CPEB3: variants seen among roughly 807,000 people sequenced by gnomAD.
CPEB3 encodes the protein cytoplasmic polyadenylation element-binding protein 3.
Under a neutral mutation model 67.2 loss-of-function variants are expected in CPEB3, and 20 were observed. That is an observed-to-expected ratio of 0.30 (90% CI 0.21 to 0.43). The LOEUF (loss-of-function observed/expected upper bound fraction) is 0.43, where lower values mean the gene tolerates loss of function less well. Among genes scored for constraint, CPEB3 ranks in the 20% least tolerant of loss-of-function variants. CPEB3 has a pLI of 1.00. For missense variants in CPEB3, 746 were observed against 968.6 expected, an observed-to-expected ratio of 0.77 and a Z score of 3.05; for synonymous variants, 376 against 393.1, an observed-to-expected ratio of 0.96 and a Z score of 0.51.
intron 4 of CPEB3, among the ~76,000 whole-genome samples, chr10:92,160,999 C>T (rs1847446860): frequency 6.6e-6 from 1 of 152,118 alleles, no homozygotes; most frequent in South Asian, 2.1e-4. Context: ...AAGCGATTCT[C>T]CCACCTCAGC....
intron 6 of CPEB3, among the ~76,000 whole-genome samples, chr10:92,130,807 T>C (rs750646653): frequency 1.3e-5 from 2 of 152,188 alleles, no homozygotes; most frequent in African/African-American, 4.8e-5. Context: ...TATTTCACTA[T>C]GTATACACTA....
chr10:92,124,448 A>G (rs993058062), intron 6 of CPEB3, among the ~76,000 whole-genome samples: 1 of 152,230 alleles, frequency 6.6e-6, no homozygotes, highest in African/African-American at 2.4e-5. Flanking sequence ...AAACAGAACA[A>G]AACAAAACAA....
intron 4 of CPEB3, among the ~76,000 whole-genome samples, chr10:92,179,651 T>C (rs182743454): frequency 2.0e-5 from 3 of 152,336 alleles, no homozygotes; most frequent in East Asian, 1.9e-4. Flanking sequence ...GGTAGATACT[T>C]TGGAATTCTT....
At chr10:92,286,689 T>C (rs1371785337) in intron 1 of CPEB3, among the ~76,000 whole-genome samples, 52 of 152,126 alleles carry the variant, frequency 3.4e-4, no homozygotes, top group Non-Finnish European at 7.3e-5. Context: ...AAAAAAAACT[T>C]TCTGTAGCTT....
intron 1 of CPEB3, among the ~76,000 whole-genome samples, chr10:92,277,706 C>T (rs1345968605): frequency 1.3e-5 from 2 of 150,880 alleles, no homozygotes; most frequent in Non-Finnish European, 3.0e-5. Context: ...GCGTGGCCAA[C>T]ATGGTGAAAC....
chr10:92,178,161 C>CTT (rs1047680848), intron 4 of CPEB3, among the ~76,000 whole-genome samples: 48 of 139,820 alleles, frequency 3.4e-4, no homozygotes, highest in African/African-American at 1.1e-3. Context: ...TCAATTATTC[C>CTT]TTTTTTTTTT....
chr10:92,113,264 A>G (rs1844841037), intron 6 of CPEB3, among the ~76,000 whole-genome samples: 1 of 152,254 alleles, frequency 6.6e-6, no homozygotes. Flanking sequence ...AAAACTAGAA[A>G]AGACAATACA....
intron 2 of CPEB3, chr10:92,216,778 G>T: frequency 6.2e-7 from 1 of 1,610,020 alleles, no homozygotes; most frequent in South Asian, 1.1e-5. Context: ...TGCAGTCCCT[G>T]CCCCTACCCC....
chr10:92,199,611 G>A (rs1849412172), intron 2 of CPEB3, among the ~76,000 whole-genome samples: 2 of 149,884 alleles, frequency 1.3e-5, no homozygotes, highest in Admixed American at 6.7e-5. Context: ...TTGAACCTGG[G>A]AGGCGGCGGT....
intron 7 of CPEB3, among the ~76,000 whole-genome samples, chr10:92,092,415 C>T (rs1843659255): frequency 6.6e-6 from 1 of 152,122 alleles, no homozygotes; most frequent in Admixed American, 6.6e-5. Context: ...TATCTTTCAG[C>T]AATATGATTT....
In CPEB3 at chr10:92,246,458, C is replaced by T. The variant is rs570993430; in HGVS notation, c.-11-6097G>A. The stretch of plus-strand genomic sequence containing the variant: ...AAAGTAAAATAATCCTTCATAACAT[C>T]CTTACAGCTTTAAGAAATAGATTTT... On this transcript the variant is annotated intron_variant, in intron 1 of 9. Transcript: ENST00000265997. Among the ~76,000 whole-genome samples the T allele has an allele frequency of 1.3e-4, 19 of 152,000 alleles. 1 individual carries two copies. The highest frequency in any genetic ancestry group is 4.6e-4 in the African/African-American group (19 of 41,482).
intron 3 of CPEB3, among the ~76,000 whole-genome samples, chr10:92,189,936 A>C (rs1848883966): frequency 6.6e-6 from 1 of 151,644 alleles, no homozygotes; most frequent in Non-Finnish European, 1.5e-5. Flanking sequence ...AACAAAGGAA[A>C]TTAAGCTCTA....
chr10:92,181,356 C>A (rs1848450694), intron 3 of CPEB3, among the ~76,000 whole-genome samples: 1 of 133,836 alleles, frequency 7.5e-6, no homozygotes. Context: ...ACTGTCCTTC[C>A]ATTCAAGCAG....
chr10:92,169,868 TCTC>T (rs909780845), intron 4 of CPEB3, among the ~76,000 whole-genome samples: 53 of 152,320 alleles, frequency 3.5e-4, no homozygotes, highest in African/African-American at 1.1e-3. Flanking sequence ...GACTGAATAT[TCTC>T]CTTTGGATAA....
intron 1 of CPEB3, among the ~76,000 whole-genome samples, chr10:92,281,926 T>A (rs186438564): frequency 2.6e-5 from 4 of 152,362 alleles, no homozygotes; most frequent in Admixed American, 6.5e-5. Flanking sequence ...GTTTTACTAC[T>A]ATTATGAAAT....
In CPEB3 at chr10:92,050,228, C is replaced by T. The variant is rs1267492854; in HGVS notation, c.*1984G>A. 6.6e-6 allele frequency: 1 copy of T among 152,402 alleles called. No individual in the cohort carries two copies. The highest frequency in any genetic ancestry group is 2.4e-5 in the African/African-American group (1 of 41,398). The allele number at this position is 152,402 out of a possible 1,614,324, so 9.4% of individuals were successfully genotyped here. ...AAAAAAGCAATTATTACCAAAAAGC[C>T]TCAAAAAGGGGAGGATTCTAAAATA... On this transcript the variant is annotated 3_prime_UTR_variant, in exon 10 of 10. Coordinates refer to ENST00000265997, the MANE Select transcript of CPEB3 (RefSeq NM_014912.5).
At chr10:92,272,211 C>G (rs1487396781) in intron 1 of CPEB3, 2 of 152,138 alleles carry the variant, frequency 1.3e-5, no homozygotes, top group East Asian at 3.8e-4. Flanking sequence ...TGATCTGTAA[C>G]TGATTGTGAA....
At chr10:92,067,558 C>T (rs1262363912) in intron 9 of CPEB3, among the ~76,000 whole-genome samples, 1 of 151,850 alleles carries the variant, frequency 6.6e-6, no homozygotes, top group Non-Finnish European at 1.5e-5. Context: ...GTGGCGCATG[C>T]CTGTAATCCC....
At position 92,240,219 on chromosome 10, in the gene CPEB3, G is replaced by A. The variant is rs754957367; in HGVS notation, c.132C>T (p.Thr44=). The change falls in exon 2 of 10, where the codon ACC becomes ACT. Residue 44 remains threonine (T), a synonymous_variant. Transcript: ENST00000265997. ...EAPSTPLSSE[T]PKPEENSAVP... ...CTGCGCTGTTTTCCTCCGGCTTGGGGGTCTCTGAGGAGAGGGGCGTGGACG... is the reference window on the plus strand; with the variant it reads ...CTGCGCTGTTTTCCTCCGGCTTGGGAGTCTCTGAGGAGAGGGGCGTGGACG... 2.9e-4 allele frequency: 438 copies of A among 1,508,330 alleles called. 1 individual carries two copies. Among genetic ancestry groups the A allele is most frequent in the Middle Eastern group, 5.2e-4 (3 of 5,716 alleles). 93.4% of individuals were successfully genotyped at this position (1,508,330 alleles called of 1,614,324 possible).
Sources: allele counts gnomAD v4.1 joint callset (sites outside exome capture counted in the v4.1 genomes callset), GRCh38; gene constraint gnomAD v4.1.1; transcripts MANE v1.5; gene names NCBI Gene and HGNC (gene_info 2026-07-23, HGNC 2026-07-21).